SMOC2: variants seen among roughly 807,000 people sequenced by gnomAD.
SMOC2 encodes SPARC-related modular calcium-binding protein 2.
SMOC2 carries 39 observed loss-of-function variants against 61.4 expected under a neutral mutation model. That is an observed-to-expected ratio of 0.64 (90% CI 0.49 to 0.83). The LOEUF (loss-of-function observed/expected upper bound fraction) is 0.83, where lower values mean the gene tolerates loss of function less well. Ranked by LOEUF, SMOC2 falls within the 40% of genes least tolerant of loss-of-function variation. SMOC2 has a pLI of 0.00. For missense variants in SMOC2, 556 were observed against 592.9 expected (o/e 0.94, Z 0.65); for synonymous variants, 247 against 239.9 (o/e 1.03, Z -0.27).
chr6:168,478,223 G>C, intron 1 of SMOC2, among the ~76,000 whole-genome samples: 1 of 152,132 alleles, frequency 6.6e-6, no homozygotes, highest in South Asian at 2.1e-4. Context: ...CTCTTGGGAA[G>C]GTAAAGCATA....
chr6:168,609,076 C>A (rs1442706786), intron 9 of SMOC2, among the ~76,000 whole-genome samples: 1 of 152,172 alleles, frequency 6.6e-6, no homozygotes, highest in East Asian at 1.9e-4. Context: ...CAGGGTAGAG[C>A]AGAATGTCCA....
chr6:168,569,079 G>T (rs983915971), intron 7 of SMOC2, among the ~76,000 whole-genome samples: 5 of 152,214 alleles, frequency 3.3e-5, no homozygotes, highest in African/African-American at 1.2e-4. Flanking sequence ...GAACACGATT[G>T]GTGGATGGTA....
chr6:168,610,328 T>A (rs759691342), intron 9 of SMOC2, among the ~76,000 whole-genome samples: 16 of 152,246 alleles, frequency 1.1e-4, no homozygotes, highest in Non-Finnish European at 2.2e-4. Flanking sequence ...GGTCAGCTTG[T>A]GCTGTTGCCA....
At chr6:168,573,839 G>A (rs1227675594) in intron 7 of SMOC2, among the ~76,000 whole-genome samples, 1 of 152,182 alleles carries the variant, frequency 6.6e-6, no homozygotes, top group African/African-American at 2.4e-5. Context: ...TCCAGTGGAG[G>A]CTTTTTGTTT....
chr6:168,548,168 C>T (rs781246154), intron 6 of SMOC2, among the ~76,000 whole-genome samples: 58 of 152,112 alleles, frequency 3.8e-4, no homozygotes, highest in East Asian at 9.7e-4. Flanking sequence ...TGGTCCTAAG[C>T]GCTACACAAT....
In SMOC2 at chr6:168,664,061, T is replaced by A; in HGVS notation, c.1286-13T>A. 3.8e-6 allele frequency: 6 copies of A among 1,596,134 alleles called. No homozygotes were observed. Among genetic ancestry groups the A allele is most frequent in the Non-Finnish European group, 5.1e-6 (6 of 1,173,608 alleles). ...CTCTGATTTTTAATAATATCTTTTT[T>A]TTTTCCTGCTAGCCCCCAGAGGTCA... On this transcript the variant is annotated splice_polypyrimidine_tract_variant and intron_variant, in intron 11 of 12. Transcript: ENST00000356284.
chr6:168,466,074 A>T (rs1781824660), intron 1 of SMOC2, among the ~76,000 whole-genome samples: 1 of 120,408 alleles, frequency 8.3e-6, no homozygotes, highest in Non-Finnish European at 1.7e-5. Context: ...GCTCTGGATG[A>T]AGCGAGGTGC....
At chr6:168,465,760 A>C (rs891903032) in intron 1 of SMOC2, among the ~76,000 whole-genome samples, 2 of 141,658 alleles carry the variant, frequency 1.4e-5, no homozygotes, top group Non-Finnish European at 3.0e-5. Context: ...GCTCTGGATG[A>C]AGCGAGGTGC....
At chr6:168,600,261 G>A (rs1223133762) in intron 8 of SMOC2, among the ~76,000 whole-genome samples, 1 of 152,014 alleles carries the variant, frequency 6.6e-6, no homozygotes, top group Non-Finnish European at 1.5e-5. Flanking sequence ...CAAAAAATTA[G>A]CTGGGCGTGG....
chr6:168,547,841 G>A (rs1408186823), intron 6 of SMOC2, among the ~76,000 whole-genome samples: 2 of 151,964 alleles, frequency 1.3e-5, no homozygotes, highest in East Asian at 1.9e-4. Flanking sequence ...TTCAGATATT[G>A]CCATGGTGCA....
At chr6:168,596,629 T>G in intron 7 of SMOC2, among the ~76,000 whole-genome samples, 1 of 152,276 alleles carries the variant, frequency 6.6e-6, no homozygotes, top group East Asian at 1.9e-4. Context: ...CCAAGTGCTC[T>G]GAGGATTTCT....
intron 1 of SMOC2, among the ~76,000 whole-genome samples, chr6:168,480,349 G>T (rs1205587450): frequency 2.0e-5 from 3 of 151,862 alleles, no homozygotes; most frequent in African/African-American, 7.3e-5. Context: ...GATGCTCAAA[G>T]AACTAAAGAA....
intron 1 of SMOC2, among the ~76,000 whole-genome samples, chr6:168,471,492 G>A (rs568977045): frequency 2.6e-5 from 4 of 152,240 alleles, no homozygotes; most frequent in Admixed American, 6.5e-5. Context: ...TCATCTGTCC[G>A]TGGATACTTG....
At chr6:168,617,151 G>A (rs962403928) in intron 9 of SMOC2, among the ~76,000 whole-genome samples, 21 of 152,172 alleles carry the variant, frequency 1.4e-4, no homozygotes, top group African/African-American at 5.1e-4. Flanking sequence ...ATGTTTGAGA[G>A]TAAGGAGACA....
intron 11 of SMOC2, among the ~76,000 whole-genome samples, chr6:168,657,166 G>C (rs552709276): frequency 1.3e-5 from 2 of 152,256 alleles, no homozygotes; most frequent in Admixed American, 1.3e-4. Flanking sequence ...CAAGGCTCAT[G>C]ATCCAATATC....
chr6:168,454,332 A>G (rs1228854324), intron 1 of SMOC2, among the ~76,000 whole-genome samples: 3 of 151,494 alleles, frequency 2.0e-5, no homozygotes, highest in Non-Finnish European at 4.4e-5. Flanking sequence ...CTAACCTAGA[A>G]CTAACCTCAG....
At chr6:168,657,807 A>G (rs1787364644) in intron 11 of SMOC2, among the ~76,000 whole-genome samples, 1 of 152,096 alleles carries the variant, frequency 6.6e-6, no homozygotes. Context: ...GGGGCCAAAC[A>G]CATTCTTTCC....
chr6:168,540,821 C>A (rs535616567), intron 4 of SMOC2, among the ~76,000 whole-genome samples: 1 of 152,140 alleles, frequency 6.6e-6, no homozygotes, highest in Non-Finnish European at 1.5e-5. Context: ...GTGAAGTTCT[C>A]GGAAGGGGTG....
At chr6:168,581,231 G>A (rs1784909387) in intron 7 of SMOC2, among the ~76,000 whole-genome samples, 1 of 152,086 alleles carries the variant, frequency 6.6e-6, no homozygotes, top group African/African-American at 2.4e-5. Flanking sequence ...TTATTTAAAT[G>A]TTGTATAATT....
Sources: allele counts gnomAD v4.1 joint callset (sites outside exome capture counted in the v4.1 genomes callset), GRCh38; gene constraint gnomAD v4.1.1; transcripts MANE v1.5; gene names NCBI Gene and HGNC (gene_info 2026-07-23, HGNC 2026-07-21).